Variants in SMARCE1 observed in about 807,000 individuals in gnomAD.
The protein encoded by SMARCE1 is SWI/SNF-related matrix-associated actin-dependent regulator of chromatin subfamily E member 1.
In SMARCE1, 13 loss-of-function variants were observed where a neutral mutation model predicts 54.9. That is an observed-to-expected ratio of 0.24 (90% CI 0.15 to 0.38). The LOEUF is 0.38. Ranked by LOEUF, SMARCE1 falls within the 10% of genes least tolerant of loss-of-function variation. The probability of loss-of-function intolerance (pLI) is 1.00; values close to 1 mark genes in which losing one functional copy is unlikely to be tolerated. For synonymous variants in SMARCE1, 151 were observed against 175.3 expected (o/e 0.86, Z 1.10); for missense variants, 295 against 523.8 (o/e 0.56, Z 4.26).
rs1274593062 is a variant in SMARCE1 at position 40,625,943 on chromosome 17, ATG to A, written c.*2840_*2841del. On this transcript the variant is annotated 3_prime_UTR_variant, in exon 11 of 11. Coordinates refer to ENST00000348513, the MANE Select transcript of SMARCE1 (RefSeq NM_003079.5). ...AAAACTGTTAGAAAATTGGGGGACT[ATG>A]GGGCTGGGCGCGGTGGCTCACGCCT... 2 of 152,260 alleles carry A rather than the reference ATG, an allele frequency of 1.3e-5. No homozygotes were observed. The highest frequency in any genetic ancestry group is 1.3e-4 in the Admixed American group (2 of 15,280). The allele number at this position is 152,260 out of a possible 1,614,324, so 9.4% of individuals were successfully genotyped here.
intron 9 of SMARCE1, 60 bp from the exon 10 acceptor site, chr17:40,630,984 T>A (rs1170281707): frequency 1.6e-5 from 23 of 1,427,358 alleles, no homozygotes; most frequent in Non-Finnish European, 9.6e-7. Context: ...GAGCCAGATA[T>A]ATTCTTTCAA....
intron 4 of SMARCE1, among the ~76,000 whole-genome samples, chr17:40,639,056 T>G (rs763334424): frequency 1.3e-5 from 2 of 152,176 alleles, no homozygotes; most frequent in Non-Finnish European, 2.9e-5. Flanking sequence ...ATTCCTCCCA[T>G]GCATTCTTGT....
At chr17:40,630,539 T>A in intron 10 of SMARCE1, 175 bp downstream of exon 10, 1 of 656,386 alleles carries the variant, frequency 1.5e-6, no homozygotes, top group Non-Finnish European at 2.7e-6. Flanking sequence ...TCTTGATAAA[T>A]AATGTAAGCA....
At chr17:40,645,067 T>G (rs2037240582) in intron 3 of SMARCE1, 1 of 159,684 alleles carries the variant, frequency 6.3e-6, no homozygotes, top group South Asian at 2.0e-4. Flanking sequence ...TAAGATTCAA[T>G]AGCAAGATCT....
In SMARCE1 at chr17:40,635,957, C is replaced by T. The variant is rs2037142277; in HGVS notation, c.515G>A (p.Ser172Asn). Residue 172 changes from serine (S) to asparagine (N), a missense_variant, in exon 7 of 11, where the codon AGC (serine) becomes AAC (asparagine). Physicochemically the swap from Ser to Asn is conservative, Grantham distance 46. This residue lies in a region of SMARCE1 where 101 missense variants were observed against 183.1 expected (regional missense o/e 0.55). Coordinates refer to ENST00000348513, the MANE Select transcript of SMARCE1 (RefSeq NM_003079.5). The part of the protein sequence containing the change: ...SRMEKGEPYM[S>N]IQPAEDPDDY... ...ATCTGGATCTTCAGCAGGCTGAATG[C>T]TCATGTACGGTTCTCCTTTCTCCAT... is the stretch of plus-strand genomic sequence containing the variant. 6.2e-7 allele frequency: 1 copy of T among 1,609,586 alleles called. No homozygotes were observed. Among genetic ancestry groups the T allele is most frequent in the Non-Finnish European group, 8.5e-7 (1 of 1,178,504 alleles).
chr17:40,639,090 TAGAC>T (rs1431703877), intron 4 of SMARCE1, among the ~76,000 whole-genome samples: 1 of 152,126 alleles, frequency 6.6e-6, no homozygotes, highest in Non-Finnish European at 1.5e-5. Flanking sequence ...AGTGCCCAGG[TAGAC>T]AGACACTGTT....
chr17:40,641,058 TAATC>T (rs1190332214), intron 4 of SMARCE1: 1 of 152,236 alleles, frequency 6.6e-6, no homozygotes, highest in African/African-American at 2.4e-5. Flanking sequence ...TTAACATAGA[TAATC>T]AAGAGGTGAC....
At position 40,637,525 on chromosome 17, in the gene SMARCE1, C is replaced by T. The variant is rs1555605896; in HGVS notation, c.204G>A (p.Lys68=). ...TIPKPPKPPD[K]PLMPYMRYSR... ...TGTACCTCATGTAGGGCATCAGCGG[C>T]TTATCTGGTGGCTTTGGGGGTTTTG... The change falls in exon 5 of 11, where the codon AAG becomes AAA. Residue 68 remains lysine, a synonymous_variant. Transcript: ENST00000348513. 6.2e-7 allele frequency: 1 copy of T among 1,613,544 alleles called. No individual in the cohort carries two copies. Among genetic ancestry groups the T allele is most frequent in the Non-Finnish European group, 8.5e-7 (1 of 1,179,600 alleles).
chr17:40,646,010 T>C (rs185222898), intron 1 of SMARCE1, among the ~76,000 whole-genome samples, 163 bp from the exon 2 acceptor site: 203 of 152,342 alleles, frequency 1.3e-3, no homozygotes, highest in African/African-American at 4.8e-3. Flanking sequence ...CTAGTTCTTA[T>C]AGGTCATTTG....
intron 4 of SMARCE1, chr17:40,640,641 T>C (rs1318966946): frequency 6.6e-6 from 1 of 152,176 alleles, no homozygotes; most frequent in Non-Finnish European, 1.5e-5. Context: ...AAACTAGATA[T>C]AGAAAGCAGG....
intron 10 of SMARCE1, chr17:40,629,372 AC>A (rs1016084171): frequency 2.3e-6 from 1 of 429,718 alleles, no homozygotes. Flanking sequence ...TTGTTAAAAC[AC>A]TTGTTTTGCT....
chr17:40,629,782 C>T (rs1029641592), intron 10 of SMARCE1: 8 of 389,056 alleles, frequency 2.1e-5, no homozygotes, highest in Admixed American at 4.4e-5. Flanking sequence ...TTTTCAAGCT[C>T]GTTTTAACCA....
chr17:40,633,814 CTACTTTT>C (rs1389914470), intron 7 of SMARCE1: 11 of 152,194 alleles, frequency 7.2e-5, no homozygotes, highest in African/African-American at 2.4e-4. Flanking sequence ...TGTAACCTTT[CTACTTTT>C]TAAGAGTTTT....
At chr17:40,643,821 G>T (rs542408723) in intron 3 of SMARCE1, 1 of 152,142 alleles carries the variant, frequency 6.6e-6, no homozygotes, top group African/African-American at 2.4e-5. Flanking sequence ...AAAAGAGAAC[G>T]GCTGATCAAT....
chr17:40,636,073 A>G lies in SMARCE1; in HGVS notation c.399T>C (p.Tyr133=), dbSNP rs1332312206. The change falls in exon 7 of 11, where the codon TAT becomes TAC. Residue 133 remains tyrosine (Y), a synonymous_variant. Transcript: ENST00000348513. ...AAGCAAGGTACGCGGGGGAATTATG[A>G]TAGGCCTTCATAGATTCATTGTACT... ...KIEYNESMKA[Y]HNSPAYLAYI... The G allele has an allele frequency of 1.2e-6, 2 of 1,606,814 alleles. No homozygotes were observed.
chr17:40,630,346 A>G (rs1482303753), intron 10 of SMARCE1: 1 of 754,474 alleles, frequency 1.3e-6, no homozygotes, highest in Non-Finnish European at 2.4e-6. Context: ...TGTTGTTGCA[A>G]CTACTCAACT....
At chr17:40,637,301 T>C in intron 5 of SMARCE1, 191 bp downstream of exon 5, 1 of 612,280 alleles carries the variant, frequency 1.6e-6, no homozygotes, top group Non-Finnish European at 2.9e-6. Context: ...GTTTATTTAA[T>C]CACGCTCCTC....
At chr17:40,630,052 A>C in intron 10 of SMARCE1, 1 of 460,986 alleles carries the variant, frequency 2.2e-6, no homozygotes, top group East Asian at 3.3e-5. Flanking sequence ...TTTGTTTTCC[A>C]TAACTACTTT....
At chr17:40,630,995 A>G in intron 9 of SMARCE1, 71 bp from the exon 10 acceptor site, 1 of 1,370,418 alleles carries the variant, frequency 7.3e-7, no homozygotes, top group Non-Finnish European at 1.0e-6. Context: ...ATTCTTTCAA[A>G]AGTTGGTTTT....
Sources: allele counts gnomAD v4.1 joint callset (sites outside exome capture counted in the v4.1 genomes callset), GRCh38; gene constraint gnomAD v4.1.1; regional missense constraint gnomAD v4.1.1; transcripts MANE v1.5; gene names NCBI Gene and HGNC (gene_info 2026-07-23, HGNC 2026-07-21).